Variants in AKAP19 observed in about 807,000 individuals in gnomAD.
AKAP19 encodes the protein small A-kinase anchoring protein.
the AKAP19 span, among the ~76,000 whole-genome samples, chr2:189,962,563 T>C: frequency 1.3e-5 from 2 of 152,146 alleles, no homozygotes; most frequent in African/African-American, 4.8e-5. Context: ...AAATAATCAA[T>C]TGAAAAACTT....
the AKAP19 span, among the ~76,000 whole-genome samples, chr2:189,970,196 T>C: frequency 2.0e-5 from 3 of 152,246 alleles, no homozygotes; most frequent in Non-Finnish European, 2.9e-5. Context: ...TAGACATATG[T>C]AGTATATGTA....
At chr2:189,992,213 G>A in the AKAP19 span, among the ~76,000 whole-genome samples, 4 of 151,676 alleles carry the variant, frequency 2.6e-5, no homozygotes, top group Admixed American at 1.3e-4. Context: ...CCCCCACCAT[G>A]CCCAGCTAAT....
At chr2:189,965,097 ATT>A in the AKAP19 span, among the ~76,000 whole-genome samples, 1 of 152,146 alleles carries the variant, frequency 6.6e-6, no homozygotes, top group Non-Finnish European at 1.5e-5. Flanking sequence ...GTTAAAGGCC[ATT>A]GTAGGGTTCT....
chr2:190,179,022 T>C, the AKAP19 span, among the ~76,000 whole-genome samples: 1 of 152,198 alleles, frequency 6.6e-6, no homozygotes, highest in Non-Finnish European at 1.5e-5. This position sits in a 1 kb window ranked among gnomAD's most constrained non-coding sequence, Gnocchi z 6.0. Context: ...AGTGGAACCT[T>C]GCATTTGAGC....
At chr2:189,911,315 G>T in the AKAP19 span, among the ~76,000 whole-genome samples, 10 of 152,160 alleles carry the variant, frequency 6.6e-5, no homozygotes, top group East Asian at 1.9e-3. Flanking sequence ...ACTAATTTTG[G>T]AGGATGTATG....
the AKAP19 span, among the ~76,000 whole-genome samples, chr2:189,928,423 T>C: frequency 6.6e-6 from 1 of 152,142 alleles, no homozygotes; most frequent in Non-Finnish European, 1.5e-5. Flanking sequence ...TAATACTTGA[T>C]GACATAGACA....
the AKAP19 span, among the ~76,000 whole-genome samples, chr2:189,921,935 G>A: frequency 6.6e-6 from 1 of 152,170 alleles, no homozygotes; most frequent in South Asian, 2.1e-4. Context: ...TGTCCTCATG[G>A]AACTAGCAAT....
At chr2:190,194,421 G>T in the AKAP19 span, among the ~76,000 whole-genome samples, 4 of 151,208 alleles carry the variant, frequency 2.6e-5, no homozygotes, top group Non-Finnish European at 5.9e-5. Flanking sequence ...TTTCAGAGCA[G>T]TTTTAAGTTA....
At chr2:189,981,979 C>G in the AKAP19 span, among the ~76,000 whole-genome samples, 1 of 152,122 alleles carries the variant, frequency 6.6e-6, no homozygotes, top group Non-Finnish European at 1.5e-5. Context: ...AACTACATCT[C>G]TTGGGGATGG....
At chr2:189,951,480 G>C in the AKAP19 span, among the ~76,000 whole-genome samples, 10 of 152,270 alleles carry the variant, frequency 6.6e-5, no homozygotes, top group African/African-American at 2.4e-4. Flanking sequence ...TGGGATTATA[G>C]ATGTAAGCCA....
At chr2:189,906,172 T>C in the AKAP19 span, among the ~76,000 whole-genome samples, 1 of 152,108 alleles carries the variant, frequency 6.6e-6, no homozygotes, top group Non-Finnish European at 1.5e-5. Flanking sequence ...AGGAAATTGA[T>C]ATTTAATAGA....
chr2:190,169,224 T>G, the AKAP19 span, among the ~76,000 whole-genome samples: 1 of 152,142 alleles, frequency 6.6e-6, no homozygotes, highest in African/African-American at 2.4e-5. Flanking sequence ...TGAGACTTAT[T>G]CACGGTCAGG....
At chr2:190,023,912 G>A in the AKAP19 span, among the ~76,000 whole-genome samples, 1 of 151,234 alleles carries the variant, frequency 6.6e-6, no homozygotes, top group Non-Finnish European at 1.5e-5. Context: ...TTGCAATGAC[G>A]TCTTTTAGAT....
the AKAP19 span, among the ~76,000 whole-genome samples, chr2:189,914,706 C>G: frequency 6.6e-6 from 1 of 151,532 alleles, no homozygotes; most frequent in African/African-American, 2.4e-5. Flanking sequence ...AGGAACAGTT[C>G]TATTAGCTAA....
At chr2:190,075,185 T>C in the AKAP19 span, among the ~76,000 whole-genome samples, 1 of 152,354 alleles carries the variant, frequency 6.6e-6, no homozygotes, top group African/African-American at 2.4e-5. Flanking sequence ...AATTTCCAAA[T>C]ATTCAGATAT....
the AKAP19 span, among the ~76,000 whole-genome samples, chr2:189,950,657 A>G: frequency 2.0e-5 from 3 of 152,200 alleles, no homozygotes; most frequent in African/African-American, 4.8e-5. Flanking sequence ...TCATCACACT[A>G]CATAAACAAA....
chr2:190,130,793 C>A, the AKAP19 span, among the ~76,000 whole-genome samples: 1 of 152,130 alleles, frequency 6.6e-6, no homozygotes. Context: ...AGAGAATAAG[C>A]AAATCAGTGC....
the AKAP19 span, among the ~76,000 whole-genome samples, chr2:190,169,232 A>G: frequency 6.6e-6 from 1 of 152,170 alleles, no homozygotes; most frequent in Non-Finnish European, 1.5e-5. Context: ...ATTCACGGTC[A>G]GGAGAACAGC....
At chr2:190,108,509 C>T in the AKAP19 span, among the ~76,000 whole-genome samples, 2 of 152,176 alleles carry the variant, frequency 1.3e-5, no homozygotes, top group Non-Finnish European at 2.9e-5. Flanking sequence ...TATGATTTGC[C>T]TGGGAATTAT....
Sources: gnomAD v4.1 joint callset for allele counts (sites outside exome capture counted in the v4.1 genomes callset) on GRCh38, gnomAD v4.1.1 for gene constraint, Gnocchi (gnomAD v3.1) non-coding constraint, MANE v1.5 for transcripts, NCBI Gene and HGNC (gene_info 2026-07-23, HGNC 2026-07-21) for gene names.